Variants in TP53BP2 observed in about 807,000 individuals in gnomAD.
TP53BP2 encodes the protein tumor protein p53 binding protein 2.
Under a neutral mutation model 126.2 loss-of-function variants are expected in TP53BP2, and 62 were observed. The observed-to-expected ratio is 0.49, with a 90% CI of 0.40 to 0.61. TP53BP2 has a LOEUF of 0.61. TP53BP2 is among the 20% of genes least tolerant of loss of function. TP53BP2 has a pLI of 0.00. For synonymous variants in TP53BP2, 485 were observed against 502.9 expected, an observed-to-expected ratio of 0.96 and a Z score of 0.48; for missense variants, 1,215 against 1,402.8, an observed-to-expected ratio of 0.87 and a Z score of 2.14.
At chr1:223,831,479 AAATAT>A (rs1465376869) in intron 1 of TP53BP2, among the ~76,000 whole-genome samples, 169 of 46,140 alleles carry the variant, frequency 3.7e-3, no homozygotes, top group East Asian at 0.012. Flanking sequence ...AAAAAAAAAA[AAATAT>A]ATATATATAT....
At chr1:223,800,172 A>G in intron 10 of TP53BP2, 125 bp from the exon 11 acceptor site, 1 of 951,710 alleles carries the variant, frequency 1.1e-6, no homozygotes, top group Non-Finnish European at 1.5e-6. Flanking sequence ...CCTATTTTTT[A>G]ATTAAACTAA....
intron 4 of TP53BP2, among the ~76,000 whole-genome samples, chr1:223,807,155 C>T (rs1662752894): frequency 6.6e-6 from 1 of 152,090 alleles, no homozygotes; most frequent in African/African-American, 2.4e-5. Context: ...GTAAAACACA[C>T]TAATATACAA....
chr1:223,807,038 T>C (rs1202503301), intron 4 of TP53BP2, 91 bp from the exon 5 acceptor site: 55 of 890,974 alleles, frequency 6.2e-5, no homozygotes, highest in Non-Finnish European at 1.4e-5. Flanking sequence ...AAAAGCTTCA[T>C]ATGAACCAAC....
Position 223,803,254 on chromosome 1 carries a change from A to C in TP53BP2, c.831+17T>G. 6.3e-7 allele frequency: 1 copy of C among 1,589,690 alleles called. No individual in the cohort carries two copies. The highest frequency in any genetic ancestry group is 8.5e-7 in the Non-Finnish European group (1 of 1,169,904). On this transcript the variant is annotated intron_variant, in intron 7 of 17. Transcript: ENST00000343537. ...GAAAGGAGGTTGTACAGCTTTTGGC[A>C]AACAGCTACGGTCTACCTGCAGCTC...
chr1:223,801,315 C>A (rs966128752), intron 9 of TP53BP2, among the ~76,000 whole-genome samples: 1 of 152,204 alleles, frequency 6.6e-6, no homozygotes, highest in Admixed American at 6.5e-5. Context: ...AAATATAACT[C>A]TTTCCACAAT....
intron 9 of TP53BP2, 78 bp downstream of exon 9, chr1:223,802,034 CAAAG>C: frequency 7.4e-7 from 1 of 1,346,554 alleles, no homozygotes; most frequent in Non-Finnish European, 1.0e-6. Flanking sequence ...ATAATGAATA[CAAAG>C]AGAGATTTTT....
In TP53BP2 at chr1:223,801,253, A is replaced by C. The variant is rs192031838; in HGVS notation, c.1226-443T>G. Reference sequence around the variant, plus strand: ...TATATTCAGGTTTTTTTCTACACTGATACTTAAATTTCAAAAGCCACTGCT... The same window carrying C: ...TATATTCAGGTTTTTTTCTACACTGCTACTTAAATTTCAAAAGCCACTGCT... On this transcript the variant is annotated intron_variant, in intron 9 of 17. Transcript: ENST00000343537. Among the ~76,000 whole-genome samples the C allele has an allele frequency of 8.5e-5, 13 of 152,346 alleles. No individual in the cohort carries two copies. The East Asian group carries it at 2.5e-3, about 29-fold the overall frequency.
Position 223,793,314 on chromosome 1 carries a change from T to C in TP53BP2, c.2851A>G (p.Ile951Val). ...LEGEFDLVQR[I>V]IYEVDDPSLP... ...AATTATAATCATACCTCATAAATAATTCTCTGTACAAGGTCAAATTCTCCC... is the reference window on the plus strand; with the variant it reads ...AATTATAATCATACCTCATAAATAACTCTCTGTACAAGGTCAAATTCTCCC... Residue 951 changes from isoleucine to valine, a missense_variant, in exon 14 of 18, where the codon ATT becomes GTT. Physicochemically the swap from Ile to Val is conservative, Grantham distance 29. Coordinates refer to ENST00000343537, the MANE Select transcript of TP53BP2 (RefSeq NM_001031685.3). The C allele has an allele frequency of 6.3e-7, 1 of 1,589,514 alleles. No individual in the cohort carries two copies. Among genetic ancestry groups the C allele is most frequent in the Non-Finnish European group, 8.5e-7 (1 of 1,171,934 alleles).
chr1:223,786,895 C>T (rs1037772212), intron 16 of TP53BP2, among the ~76,000 whole-genome samples: 6 of 150,796 alleles, frequency 4.0e-5, no homozygotes, highest in Admixed American at 6.6e-5. Flanking sequence ...CGTGAGCCAC[C>T]GCGCCCGGCT....
intron 16 of TP53BP2, among the ~76,000 whole-genome samples, chr1:223,784,536 TCTCTAAAACAC>T (rs1258938856): frequency 1.3e-5 from 2 of 152,188 alleles, no homozygotes; most frequent in Non-Finnish European, 2.9e-5. Flanking sequence ...TATGCTATCA[TCTCTAAAACAC>T]CTCTAAAACC....
At chr1:223,841,272 A>AAATAAATAAATAAAT (rs1558114087) in intron 1 of TP53BP2, among the ~76,000 whole-genome samples, 18 of 75,772 alleles carry the variant, frequency 2.4e-4, no homozygotes, top group African/African-American at 1.3e-3. Flanking sequence ...AATAAATAAA[A>AAATAAATAAATAAAT]GAAATATTTT....
intron 1 of TP53BP2, among the ~76,000 whole-genome samples, chr1:223,834,353 G>A (rs1663848809): frequency 6.6e-6 from 1 of 152,196 alleles, no homozygotes; most frequent in Admixed American, 6.5e-5. Context: ...TCACACTTAA[G>A]TTTAAGAACC....
chr1:223,818,637 C>T (rs1396013005), intron 2 of TP53BP2, among the ~76,000 whole-genome samples: 5 of 149,908 alleles, frequency 3.3e-5, no homozygotes, highest in Admixed American at 6.6e-5. Context: ...TGGAGTTGTG[C>T]GATCTCAGCT....
intron 1 of TP53BP2, among the ~76,000 whole-genome samples, chr1:223,827,133 G>A (rs1024400852): frequency 6.6e-6 from 1 of 152,160 alleles, no homozygotes; most frequent in African/African-American, 2.4e-5. Context: ...ATGCAAGTTT[G>A]ACTGAGATGA....
intron 17 of TP53BP2, among the ~76,000 whole-genome samples, chr1:223,782,018 C>T (rs556050805): frequency 1.2e-4 from 18 of 148,596 alleles, no homozygotes; most frequent in Non-Finnish European, 1.8e-4. Flanking sequence ...TGCAATGTTC[C>T]CCGTGTCATT....
chr1:223,795,807 T>TTAA lies in TP53BP2; in HGVS notation c.2724+7_2724+8insTTA, dbSNP rs1198185736. 4 of 1,517,114 alleles carry TTAA rather than the reference T, an allele frequency of 2.6e-6. No individual in the cohort carries two copies. The African/African-American group carries it at 5.6e-5, about 21-fold the overall frequency. 94.0% of individuals were successfully genotyped at this position (1,517,114 alleles called of 1,614,324 possible). A position where few individuals can be genotyped will look rare whatever the true frequency, so the allele number is the denominator to read the frequency against. The stretch of plus-strand genomic sequence containing the variant: ...CCGGAAAAGGCTATGAGATAGTACA[T>TTAA]TACTTACAGGAGGCAGAGAGACCTG... On this transcript the variant is annotated splice_region_variant and intron_variant, in intron 13 of 17. Transcript: ENST00000343537.
intron 15 of TP53BP2, among the ~76,000 whole-genome samples, chr1:223,791,870 T>C (rs1176684512): frequency 6.6e-6 from 1 of 152,182 alleles, no homozygotes; most frequent in Non-Finnish European, 1.5e-5. Context: ...TTATTTAATA[T>C]TGACTAACAT....
At chr1:223,835,263 T>C (rs1195318110) in intron 1 of TP53BP2, among the ~76,000 whole-genome samples, 2 of 152,244 alleles carry the variant, frequency 1.3e-5, no homozygotes, top group Non-Finnish European at 2.9e-5. Flanking sequence ...AAACCTTTTC[T>C]CTTCTTTCAA....
intron 10 of TP53BP2, 101 bp from the exon 11 acceptor site, chr1:223,800,148 C>T (rs992776610): frequency 1.1e-5 from 14 of 1,241,496 alleles, no homozygotes; most frequent in Non-Finnish European, 1.3e-5. Context: ...AAATCTGTGT[C>T]CACAAAGCAC....
Sources: gnomAD v4.1 joint callset for allele counts (sites outside exome capture counted in the v4.1 genomes callset) on GRCh38, gnomAD v4.1.1 for gene constraint, MANE v1.5 for transcripts, NCBI Gene and HGNC (gene_info 2026-07-23, HGNC 2026-07-21) for gene names.